YAF2: variants seen among roughly 807,000 people sequenced by gnomAD.
YAF2 encodes YY1 associated factor 2.
In YAF2, 7 loss-of-function variants were observed where a neutral mutation model predicts 20.1. The observed-to-expected ratio is 0.35, with a 90% CI of 0.20 to 0.65. YAF2 has a LOEUF of 0.65. YAF2 is among the 30% of genes least tolerant of loss of function. YAF2 has a pLI of 0.69. For missense variants in YAF2, 151 were observed against 219.2 expected (o/e 0.69, Z 1.96); for synonymous variants, 74 against 76.0 (o/e 0.97, Z 0.14).
At chr12:42,168,619 T>A (rs2065971130) in intron 2 of YAF2, among the ~76,000 whole-genome samples, 1 of 152,142 alleles carries the variant, frequency 6.6e-6, no homozygotes. Flanking sequence ...GGTATTTAGC[T>A]ATTGTCCCCA....
chr12:42,206,957 C>T (rs954380662), intron 2 of YAF2, among the ~76,000 whole-genome samples: 14 of 152,176 alleles, frequency 9.2e-5, no homozygotes, highest in South Asian at 4.1e-4. Context: ...ACATTTACAA[C>T]GTTTGCTTTA....
chr12:42,206,007 GA>G (rs2067030423), intron 2 of YAF2: 3 of 242,662 alleles, frequency 1.2e-5, no homozygotes, highest in African/African-American at 2.3e-5. Context: ...ACTCCAATTA[GA>G]CCTATATTGG....
chr12:42,219,827 C>A (rs1252790216), intron 2 of YAF2, among the ~76,000 whole-genome samples: 1 of 152,184 alleles, frequency 6.6e-6, no homozygotes, highest in Non-Finnish European at 1.5e-5. Context: ...CTCAATGAGG[C>A]CTGAGATTGT....
At chr12:42,218,650 G>A (rs1340236376) in intron 2 of YAF2, among the ~76,000 whole-genome samples, 1 of 152,016 alleles carries the variant, frequency 6.6e-6, no homozygotes, top group Non-Finnish European at 1.5e-5. Flanking sequence ...TGAGATTATG[G>A]CATTCGGGAA....
chr12:42,186,828 G>A (rs576114928), intron 2 of YAF2, among the ~76,000 whole-genome samples: 2 of 152,324 alleles, frequency 1.3e-5, no homozygotes, highest in African/African-American at 4.8e-5. Flanking sequence ...TCAAGGGTCT[G>A]AGGGTAAAAG....
rs1260193155 is a variant in YAF2 at position 42,160,645 on chromosome 12, A to G, written c.487T>C (p.Ser163Pro). 4 of 1,613,710 alleles carry G rather than the reference A, an allele frequency of 2.5e-6. No individual in the cohort carries two copies. Among genetic ancestry groups the G allele is most frequent in the Non-Finnish European group, 3.4e-6 (4 of 1,179,888 alleles). ...SSSDNTERGM[S>P]RSSSPRGEAS... is the part of the protein sequence containing the mutation. ...TCTCCTCTGGGTGAAGATGACCTGG[A>G]CATTCCTCTCTCTGTGTTATCAGAG... The change falls in exon 4 of 4, where the codon TCC becomes CCC. Residue 163 changes from serine to proline, a missense_variant. Physicochemically the swap from Ser to Pro is moderately conservative, Grantham distance 74. Around this residue, in one of 3 missense-constraint regions of YAF2, gnomAD observed 51 missense variants for 48.9 expected, o/e 1.04. Coordinates refer to ENST00000534854, the MANE Select transcript of YAF2 (RefSeq NM_005748.6).
intron 2 of YAF2, among the ~76,000 whole-genome samples, chr12:42,193,844 A>G (rs2066679770): frequency 6.6e-6 from 1 of 152,130 alleles, no homozygotes; most frequent in Non-Finnish European, 1.5e-5. Context: ...CATGCATGTT[A>G]TTACTCCTGA....
At chr12:42,227,882 C>T (rs1243675750) in intron 2 of YAF2, among the ~76,000 whole-genome samples, 106 of 116,640 alleles carry the variant, frequency 9.1e-4, no homozygotes, top group African/African-American at 3.1e-3. Flanking sequence ...CCGCCCCGTC[C>T]GGGAGGTGAG....
rs191502815 is a variant in YAF2 at position 42,208,974 on chromosome 12, C to G, written c.152+28625G>C. On this transcript the variant is annotated intron_variant, in intron 2 of 3. Coordinates refer to ENST00000534854, the MANE Select transcript of YAF2 (RefSeq NM_005748.6). ...CTACGAGCTCTTTATATTTAAAATG[C>G]CTTTTTAGAAATAGAACCTAGTAAT... 5.2e-4 allele frequency among the ~76,000 whole-genome samples: 79 copies of G among 152,180 alleles called. 2 individuals carry two copies. Among genetic ancestry groups the G allele is most frequent in the African/African-American group, 1.8e-3 (76 of 41,520 alleles).
chr12:42,209,095 C>G (rs576409513), intron 2 of YAF2, among the ~76,000 whole-genome samples: 2 of 152,260 alleles, frequency 1.3e-5, no homozygotes, highest in Non-Finnish European at 2.9e-5. Flanking sequence ...CTGAGGAAAT[C>G]AGGCAGCTCA....
intron 2 of YAF2, among the ~76,000 whole-genome samples, chr12:42,165,213 T>C (rs757329563): frequency 2.2e-4 from 33 of 151,730 alleles, no homozygotes; most frequent in Non-Finnish European, 3.8e-4. Flanking sequence ...AAAAAAACTG[T>C]GTGTTGTGAT....
rs1182962672 is a variant in YAF2, at chr12:42,158,558, G to T, written c.*2031C>A. ...TTACCATTATTAGCCCTGTTTTATA[G>T]ATGGAAAGTAAGCTTGGGTAATTTA... On this transcript the variant is annotated 3_prime_UTR_variant, in exon 4 of 4. Coordinates refer to ENST00000534854, the MANE Select transcript of YAF2 (RefSeq NM_005748.6). 1.3e-5 allele frequency: 2 copies of T among 152,140 alleles called. No homozygotes were observed. The highest frequency in any genetic ancestry group is 1.3e-4 in the Admixed American group (2 of 15,274). The allele number at this position is 152,140 out of a possible 1,614,324, so 9.4% of individuals were successfully genotyped here.
chr12:42,228,405 C>T (rs1220593087), intron 2 of YAF2, among the ~76,000 whole-genome samples: 3 of 64,020 alleles, frequency 4.7e-5, no homozygotes, highest in Non-Finnish European at 8.6e-5. Flanking sequence ...CCCGGCCAGC[C>T]GCCCCGTCCG....
chr12:42,227,730 C>G (rs990845512), intron 2 of YAF2, among the ~76,000 whole-genome samples: 1 of 151,004 alleles, frequency 6.6e-6, no homozygotes, highest in African/African-American at 2.4e-5. Flanking sequence ...CGGCAGCCAC[C>G]CCGTCCGGGA....
chr12:42,237,592 G>C lies in YAF2; in HGVS notation c.152+7C>G, dbSNP rs964330706. 9.1e-6 allele frequency: 14 copies of C among 1,531,782 alleles called. No homozygotes were observed. The highest frequency in any genetic ancestry group is 1.2e-5 in the Non-Finnish European group (14 of 1,138,294). 94.9% of individuals were successfully genotyped at this position (1,531,782 alleles called of 1,614,324 possible). On this transcript the variant is annotated splice_region_variant and intron_variant, in intron 2 of 3. Transcript: ENST00000534854. Reference sequence around the variant, plus strand: ...CCGGCGGCGCGAGGGGCAGGCCCGGGACTCACCGGGTGGAGGTGCCCTTCC... The same window carrying C: ...CCGGCGGCGCGAGGGGCAGGCCCGGCACTCACCGGGTGGAGGTGCCCTTCC...
At chr12:42,211,618 G>A (rs2067212649) in intron 2 of YAF2, among the ~76,000 whole-genome samples, 2 of 151,290 alleles carry the variant, frequency 1.3e-5, no homozygotes, top group African/African-American at 4.9e-5. Context: ...GGTGGCATGC[G>A]CCTGTAATCC....
chr12:42,160,870 C>A (rs142237287), intron 3 of YAF2, 44 bp from the exon 4 acceptor site: 1 of 1,507,742 alleles, frequency 6.6e-7, no homozygotes, highest in South Asian at 1.2e-5. Context: ...TTTCCCTCTA[C>A]CAAATTTCTG....
chr12:42,191,433 C>T (rs534496533), intron 2 of YAF2, among the ~76,000 whole-genome samples: 20 of 152,112 alleles, frequency 1.3e-4, no homozygotes, highest in Admixed American at 1.1e-3. Context: ...ACTTCCAATC[C>T]CCCTAGTAAT....
chr12:42,218,186 ACACACACAC>A lies in YAF2; in HGVS notation c.152+19404_152+19412del, dbSNP rs1356351591. Among the ~76,000 whole-genome samples, 12 of 5,332 alleles carry A rather than the reference ACACACACAC, an allele frequency of 2.3e-3. No homozygotes were observed. The East Asian group carries it at 0.028, about 12-fold the overall frequency. The allele number at this position is 5,332 out of a possible 152,430, so 3.5% of individuals were successfully genotyped here. Reference sequence around the variant, plus strand: ...ACAGTCTACATCAGGCTACTAGGAAACACACACACACACACACACACACACACACACACA... The same window carrying A: ...ACAGTCTACATCAGGCTACTAGGAAAACACACACACACACACACACACACA... On this transcript the variant is annotated intron_variant, in intron 2 of 3. Transcript: ENST00000534854.
Sources: gnomAD v4.1 joint callset for allele counts (sites outside exome capture counted in the v4.1 genomes callset) on GRCh38, gnomAD v4.1.1 for gene constraint, gnomAD v4.1.1 regional missense constraint, MANE v1.5 for transcripts, NCBI Gene and HGNC (gene_info 2026-07-23, HGNC 2026-07-21) for gene names.